PRAMEF5: variants seen among roughly 807,000 people sequenced by gnomAD.
PRAMEF5 encodes the protein PRAME family member 5.
PRAMEF5 carries 5 observed loss-of-function variants against 16.4 expected under a neutral mutation model. The observed-to-expected ratio is 0.30, with a 90% CI of 0.16 to 0.64. PRAMEF5 has a LOEUF of 0.64. Ranked by LOEUF, PRAMEF5 falls within the 30% of genes least tolerant of loss-of-function variation. PRAMEF5 has a pLI of 0.80. For synonymous variants in PRAMEF5, 19 were observed against 107.3 expected, an observed-to-expected ratio of 0.18 and a Z score of 5.09; for missense variants, 36 against 282.9, an observed-to-expected ratio of 0.13 and a Z score of 6.26.
intron 1 of PRAMEF5, chr1:13,255,776 CTTTTTTTTTTTTTTTTTTTTT>C (rs1174990976): frequency 4.6e-5 from 1 of 21,668 alleles, no homozygotes; most frequent in Non-Finnish European, 1.1e-4. Flanking sequence ...TTTTCTTTTT[CTTTTTTTTTTTTTTTTTTTTT>C]TTTTTTTTTG....
At chr1:13,260,303 G>A (rs1382074385) in exon 3 of PRAMEF5, 5 of 1,589,796 alleles carry the variant, frequency 3.1e-6, no homozygotes, top group Admixed American at 1.7e-5. Flanking sequence ...TGGCCCATGG[G>A]TGCTTCCTCA....
intron 2 of PRAMEF5, 182 bp from the exon 3 acceptor site, chr1:13,260,040 C>T (rs1363427304): frequency 2.3e-5 from 20 of 855,122 alleles, no homozygotes; most frequent in African/African-American, 3.3e-5. Flanking sequence ...CAGAGGGAGA[C>T]GTGGTCTCAA....
At chr1:13,260,936 C>T in intron 3 of PRAMEF5, 133 bp downstream of exon 3, 1 of 122,572 alleles carries the variant, frequency 8.2e-6, no homozygotes, top group African/African-American at 1.9e-4. Flanking sequence ...CATGCATTGT[C>T]CTGTTGGCGG....
intron 1 of PRAMEF5, chr1:13,255,782 T>C (rs1468663301): frequency 3.3e-5 from 1 of 30,148 alleles, no homozygotes. Context: ...TTTTCTTTTT[T>C]TTTTTTTTTT....
rs587687281 is a variant in PRAMEF5 at position 13,262,426 on chromosome 1, G to C, written c.870-124G>C. On this transcript the variant is annotated intron_variant, in intron 3 of 3. Transcript: ENST00000622421. ...ACATCATCCTAAATGTTGACCATCA[G>C]GCCATCAGAATGACCCTGGACTTGG... is the stretch of plus-strand genomic sequence containing the variant. 7.9e-6 allele frequency: 4 copies of C among 504,296 alleles called. 1 individual carries two copies. In the South Asian group the frequency reaches 1.4e-4, roughly 18 times the overall value. 31.2% of individuals were successfully genotyped at this position (504,296 alleles called of 1,614,324 possible). A position where few individuals can be genotyped will look rare whatever the true frequency, so the allele number is the denominator to read the frequency against.
chr1:13,262,035 G>A (rs1553173271), intron 3 of PRAMEF5: 10 of 148,162 alleles, frequency 6.7e-5, no homozygotes, highest in Admixed American at 1.9e-4. Context: ...TGATGGTGAA[G>A]TGACTCAGCC....
In PRAMEF5 at chr1:13,260,076, G is replaced by A. The variant is rs1419895582; in HGVS notation, c.288-146G>A. The A allele has an allele frequency of 3.7e-6, 5 of 1,338,206 alleles. No individual in the cohort carries two copies. In the African/African-American group the frequency reaches 4.3e-5, roughly 11 times the overall value. 82.9% of individuals were successfully genotyped at this position (1,338,206 alleles called of 1,614,324 possible). ...AAGAAAAACAAAAAAATGTGGAAGT[G>A]GGCAGGATCCAAGGGGAAAACAGGG... On this transcript the variant is annotated intron_variant, in intron 2 of 3. Transcript: ENST00000622421.
chr1:13,260,855 G>A, intron 3 of PRAMEF5, 52 bp downstream of exon 3: 1 of 255,724 alleles, frequency 3.9e-6, no homozygotes, highest in Non-Finnish European at 6.6e-6. Flanking sequence ...GCCTGTTACA[G>A]TAAACGCTAG....
At chr1:13,260,012 G>T in intron 2 of PRAMEF5, 2 of 710,968 alleles carry the variant, frequency 2.8e-6, no homozygotes, top group African/African-American at 1.7e-5. Context: ...TCACACCACT[G>T]CACTCCAGCC....
At chr1:13,255,868 GCCTCCTGGGTTCAAGCGA>G in intron 1 of PRAMEF5, 1 of 144,880 alleles carries the variant, frequency 6.9e-6, no homozygotes, top group South Asian at 2.2e-4. Context: ...TGCAACCTCT[GCCTCCTGGGTTCAAGCGA>G]TCTTCCTGTC....
At chr1:13,260,104 A>G (rs1553173651) in intron 2 of PRAMEF5, 118 bp from the exon 3 acceptor site, 416 of 1,519,894 alleles carry the variant, frequency 2.7e-4, no homozygotes, top group African/African-American at 2.7e-3. Flanking sequence ...AAACAGGGTG[A>G]AGAAAAGTCA....
At chr1:13,263,354 A>C (rs1553172950), downstream of PRAMEF5, 3 of 620,532 alleles carry the variant, frequency 4.8e-6, no homozygotes, top group African/African-American at 5.4e-5. Flanking sequence ...GAATGTCTAG[A>C]GTGGAGGCTT....
At chr1:13,261,859 C>T (rs1318171519) in intron 3 of PRAMEF5, 63 of 31,142 alleles carry the variant, frequency 2.0e-3, no homozygotes, top group African/African-American at 5.8e-3. Context: ...TTGTCAGGGA[C>T]GCCTGCAGCC....
chr1:13,260,059 C>CA (rs1282332943), intron 2 of PRAMEF5, 163 bp from the exon 3 acceptor site: 30 of 1,116,938 alleles, frequency 2.7e-5, no homozygotes, highest in Non-Finnish European at 3.4e-5. Context: ...AAAAGAAAAA[C>CA]AAAAAAATGT....
At chr1:13,263,430 A>T (rs1334301971), downstream of PRAMEF5, 10 of 491,648 alleles carry the variant, frequency 2.0e-5, no homozygotes, top group Non-Finnish European at 3.6e-5. Context: ...ATAAAGGAAA[A>T]CTGAGTGGTA....
At chr1:13,260,129 A>T in intron 2 of PRAMEF5, 93 bp from the exon 3 acceptor site, 1 of 1,549,826 alleles carries the variant, frequency 6.5e-7, no homozygotes, top group East Asian at 2.3e-5. Flanking sequence ...GAGGGACAAG[A>T]AGCAGGGAGG....
At chr1:13,256,236 CT>C (rs1475325012) in intron 1 of PRAMEF5, 71 of 143,058 alleles carry the variant, frequency 5.0e-4, no homozygotes, top group African/African-American at 1.7e-3. Flanking sequence ...CTGGGTGGAG[CT>C]TCACAAATGC....
chr1:13,260,034 G>C, intron 2 of PRAMEF5, 188 bp from the exon 3 acceptor site: 2 of 841,362 alleles, frequency 2.4e-6, no homozygotes, highest in Non-Finnish European at 3.6e-6. Flanking sequence ...GGGCGACAGA[G>C]GGAGACGTGG....
chr1:13,263,240 G>C, exon 4 of PRAMEF5: 2 of 1,487,000 alleles, frequency 1.3e-6, no homozygotes, highest in Non-Finnish European at 1.8e-6. Context: ...CTGAAAGTGG[G>C]AAAGGAAAGG....
Sources: gnomAD v4.1 joint callset for allele counts on GRCh38, gnomAD v4.1.1 for gene constraint, MANE v1.5 for transcripts, NCBI Gene and HGNC (gene_info 2026-07-23, HGNC 2026-07-21) for gene names.